The following AGBL4 variants were observed in gnomAD, a reference collection of about 807,000 sequenced individuals.
The protein encoded by AGBL4 is cytosolic carboxypeptidase 6.
A neutral mutation model predicts 66.4 loss-of-function variants in AGBL4; 58 were observed. The observed-to-expected ratio is 0.87, with a 90% CI of 0.71 to 1.09. The LOEUF (loss-of-function observed/expected upper bound fraction) is 1.09. Among genes scored for constraint, AGBL4 ranks in the 50% least tolerant of loss-of-function variants. The pLI is 0.00. For missense variants in AGBL4, 579 were observed against 631.0 expected, an observed-to-expected ratio of 0.92 and a Z score of 0.88; for synonymous variants, 234 against 222.9, an observed-to-expected ratio of 1.05 and a Z score of -0.44.
chr1:49,710,368 T>A (rs887571133), intron 2 of AGBL4, among the ~76,000 whole-genome samples: 2 of 152,090 alleles, frequency 1.3e-5, no homozygotes, highest in African/African-American at 4.8e-5. Flanking sequence ...AAGTTTTCAC[T>A]CATAAGTGGG....
At chr1:49,099,730 C>G (rs1311826156) in intron 4 of AGBL4, among the ~76,000 whole-genome samples, 1 of 152,018 alleles carries the variant, frequency 6.6e-6, no homozygotes, top group Non-Finnish European at 1.5e-5. Flanking sequence ...TGATTTGATT[C>G]TATATCCCTA....
intron 5 of AGBL4, among the ~76,000 whole-genome samples, chr1:49,005,456 G>C (rs1394485628): frequency 6.6e-6 from 1 of 152,146 alleles, no homozygotes; most frequent in African/African-American, 2.4e-5. Flanking sequence ...GTCTGACGTA[G>C]CCATACACTA....
At chr1:48,783,942 G>A (rs1645354756) in intron 6 of AGBL4, among the ~76,000 whole-genome samples, 1 of 152,078 alleles carries the variant, frequency 6.6e-6, no homozygotes, top group African/African-American at 2.4e-5. Flanking sequence ...ATCTAACCTT[G>A]GGGAAGTCAC....
At chr1:49,432,210 C>T (rs556348363) in intron 3 of AGBL4, among the ~76,000 whole-genome samples, 1 of 152,198 alleles carries the variant, frequency 6.6e-6, no homozygotes, top group South Asian at 2.1e-4. Flanking sequence ...AGGACTCAGA[C>T]CTTAATTATA....
chr1:49,302,849 G>A (rs933222049), intron 3 of AGBL4, among the ~76,000 whole-genome samples: 4 of 151,536 alleles, frequency 2.6e-5, no homozygotes, highest in Middle Eastern at 3.2e-3. Context: ...AGTGTGTGTT[G>A]TTTACCTCCC....
chr1:48,688,269 C>T (rs1004755056), intron 6 of AGBL4, among the ~76,000 whole-genome samples: 12 of 152,152 alleles, frequency 7.9e-5, no homozygotes, highest in Non-Finnish European at 2.9e-5. Context: ...TCTCACTCCA[C>T]TCAGTCTGGG....
intron 3 of AGBL4, among the ~76,000 whole-genome samples, chr1:49,307,151 T>C (rs1232840174): frequency 2.6e-5 from 4 of 152,200 alleles, no homozygotes; most frequent in Admixed American, 6.5e-5. Context: ...TAATGTATCC[T>C]TTTTTGTAAA....
intron 3 of AGBL4, among the ~76,000 whole-genome samples, chr1:49,688,358 A>G (rs796902326): frequency 3.3e-5 from 5 of 152,282 alleles, no homozygotes; most frequent in African/African-American, 1.2e-4. Context: ...GGCTTGTTTC[A>G]CTTAACATAA....
chr1:49,445,691 C>A (rs1646138482), intron 3 of AGBL4, among the ~76,000 whole-genome samples: 1 of 152,004 alleles, frequency 6.6e-6, no homozygotes, highest in Non-Finnish European at 1.5e-5. Context: ...ATAAATTCTT[C>A]TGTTCCAGAA....
At chr1:49,039,706 A>G (rs1417550082) in intron 5 of AGBL4, among the ~76,000 whole-genome samples, 2 of 152,098 alleles carry the variant, frequency 1.3e-5, no homozygotes, top group Non-Finnish European at 2.9e-5. Context: ...TGAACTATAC[A>G]CTTAAATGTA....
rs35497867 is a variant in AGBL4 at position 49,386,265 on chromosome 1, ATGTG to A, written c.283-140405_283-140402del. 4.6e-3 allele frequency among the ~76,000 whole-genome samples: 682 copies of A among 147,850 alleles called. 3 individuals are homozygous for A. The highest frequency in any genetic ancestry group is 9.8e-3 in the African/African-American group (397 of 40,576). On this transcript the variant is annotated intron_variant, in intron 3 of 13. Coordinates refer to ENST00000371839, the MANE Select transcript of AGBL4 (RefSeq NM_032785.4). ...ATATATTTTTTGGATGGATGGATGG[ATGTG>A]TGTGTGTGTGTGTGTGTGTGTGTGT...
chr1:49,662,831 G>A (rs1296284991), intron 3 of AGBL4, among the ~76,000 whole-genome samples: 1 of 152,098 alleles, frequency 6.6e-6, no homozygotes, highest in Non-Finnish European at 1.5e-5. Context: ...AGGCAGTTAA[G>A]GTTCTCAGCT....
At chr1:49,256,413 T>C (rs778800300) in intron 3 of AGBL4, among the ~76,000 whole-genome samples, 1 of 151,912 alleles carries the variant, frequency 6.6e-6, no homozygotes, top group Non-Finnish European at 1.5e-5. Context: ...AATTAGAAAA[T>C]AAAATTTTAT....
At chr1:49,975,796 T>C (rs1658508290) in intron 1 of AGBL4, among the ~76,000 whole-genome samples, 5 of 152,148 alleles carry the variant, frequency 3.3e-5, no homozygotes, top group Admixed American at 3.3e-4. Context: ...CCTAGCACGG[T>C]TTCTGCACAT....
rs1039901415 is a variant in AGBL4, at chr1:49,678,952, A to C, written c.282+18361T>G. Reference sequence around the variant, plus strand: ...TCCCAAAATTTGTTAATGTGTGCTTAATGTCCCAGGATATGGTATATCTTC... The same window carrying C: ...TCCCAAAATTTGTTAATGTGTGCTTCATGTCCCAGGATATGGTATATCTTC... On this transcript the variant is annotated intron_variant, in intron 3 of 13. Coordinates refer to ENST00000371839, the MANE Select transcript of AGBL4 (RefSeq NM_032785.4). 2.6e-5 allele frequency among the ~76,000 whole-genome samples: 4 copies of C among 152,246 alleles called. No homozygotes were observed. In the East Asian group the frequency reaches 5.8e-4, roughly 22 times the overall value.
At chr1:49,311,114 T>A (rs1485661991) in intron 3 of AGBL4, among the ~76,000 whole-genome samples, 1 of 152,082 alleles carries the variant, frequency 6.6e-6, no homozygotes, top group Non-Finnish European at 1.5e-5. Context: ...GACTTAGTGA[T>A]AGATAGTGAT....
chr1:49,774,727 G>A (rs1644152963), intron 2 of AGBL4, among the ~76,000 whole-genome samples: 1 of 152,228 alleles, frequency 6.6e-6, no homozygotes, highest in Middle Eastern at 3.4e-3. Flanking sequence ...GATTACAAGT[G>A]AAGACAGGTT....
intron 2 of AGBL4, among the ~76,000 whole-genome samples, chr1:49,769,006 A>T (rs1254603064): frequency 1.3e-5 from 2 of 151,956 alleles, no homozygotes; most frequent in African/African-American, 2.4e-5. Flanking sequence ...ATGCCACCAC[A>T]TCCAGCTAAT....
intron 5 of AGBL4, among the ~76,000 whole-genome samples, chr1:48,940,845 G>A (rs1202185368): frequency 1.3e-5 from 2 of 152,176 alleles, no homozygotes. Context: ...ATCTTAGAAA[G>A]CAAGAAGGGT....
Sources: allele counts gnomAD v4.1 joint callset (sites outside exome capture counted in the v4.1 genomes callset), GRCh38; gene constraint gnomAD v4.1.1; transcripts MANE v1.5; gene names NCBI Gene and HGNC (gene_info 2026-07-23, HGNC 2026-07-21).